Variants in GRAMD2B observed in about 807,000 individuals in gnomAD.
GRAMD2B encodes the protein GRAM domain-containing protein 2B.
A neutral mutation model predicts 59.2 loss-of-function variants in GRAMD2B; 41 were observed. The observed-to-expected ratio is 0.69, with a 90% CI of 0.54 to 0.90. GRAMD2B has a LOEUF of 0.90. Among genes scored for constraint, GRAMD2B ranks in the 40% least tolerant of loss-of-function variants. The pLI is 0.00. For synonymous variants in GRAMD2B, 161 were observed against 182.7 expected (o/e 0.88, Z 0.96); for missense variants, 424 against 500.5 (o/e 0.85, Z 1.46).
intron 1 of GRAMD2B, among the ~76,000 whole-genome samples, chr5:126,431,557 C>A (rs1415422680): frequency 2.6e-5 from 4 of 152,132 alleles, no homozygotes; most frequent in African/African-American, 9.7e-5. Context: ...CCTAGACAGA[C>A]CCCCTAATTA....
intron 1 of GRAMD2B, among the ~76,000 whole-genome samples, chr5:126,428,845 C>T (rs1421878265): frequency 6.6e-6 from 1 of 152,192 alleles, no homozygotes; most frequent in Non-Finnish European, 1.5e-5. Flanking sequence ...AATTCCATCT[C>T]ACACCAGTCA....
chr5:126,472,707 G>A (rs1769850169), intron 4 of GRAMD2B, among the ~76,000 whole-genome samples: 2 of 152,194 alleles, frequency 1.3e-5, no homozygotes, highest in Non-Finnish European at 2.9e-5. Context: ...TGAAGGGTAA[G>A]ATAGTCACCT....
At chr5:126,477,647 T>C (rs1315550978) in intron 5 of GRAMD2B, 45 bp from the exon 6 acceptor site, 1 of 1,017,822 alleles carries the variant, frequency 9.8e-7, no homozygotes, top group Admixed American at 1.7e-5. Flanking sequence ...TGAAGTGCTG[T>C]TCTGTCAAGT....
At chr5:126,398,788 T>A (rs1261061881) in intron 1 of GRAMD2B, among the ~76,000 whole-genome samples, 1 of 152,184 alleles carries the variant, frequency 6.6e-6, no homozygotes, top group Non-Finnish European at 1.5e-5. Context: ...TAGGTTTTGG[T>A]ATGTTGTGTT....
At chr5:126,382,329 T>C (rs1405980214) in intron 1 of GRAMD2B, among the ~76,000 whole-genome samples, 1 of 152,216 alleles carries the variant, frequency 6.6e-6, no homozygotes, top group Non-Finnish European at 1.5e-5. Context: ...ACACAGATTA[T>C]TGTTAGGTTT....
intron 6 of GRAMD2B, 85 bp from the exon 7 acceptor site, chr5:126,480,371 C>A: frequency 1.1e-6 from 1 of 902,004 alleles, no homozygotes; most frequent in South Asian, 1.5e-5. Context: ...AATGCAAAAG[C>A]TGTATACAGA....
intron 1 of GRAMD2B, among the ~76,000 whole-genome samples, chr5:126,398,387 T>C (rs574180984): frequency 6.6e-6 from 1 of 152,246 alleles, no homozygotes; most frequent in East Asian, 1.9e-4. Context: ...GAATTTCTTC[T>C]AATTTACCCA....
At chr5:126,459,158 T>C (rs1766890251) in intron 1 of GRAMD2B, 1 of 152,244 alleles carries the variant, frequency 6.6e-6, no homozygotes, top group South Asian at 2.1e-4. Flanking sequence ...ACGGTTTTGC[T>C]GAAATTAGAG....
In GRAMD2B at chr5:126,473,285, A is replaced by C. The variant is rs199763570; in HGVS notation, c.403A>C (p.Lys135Gln). ...CCCAGGCTTTACCTGTGCTCTACAGAAAGAAATACTATACCAAGGAAAGCT... is the reference window on the plus strand; with the variant it reads ...CCCAGGCTTTACCTGTGCTCTACAGCAAGAAATACTATACCAAGGAAAGCT... Reference protein sequence around the residue: ...LKQSFTCALQKEILYQGKLFV... With the variant: ...LKQSFTCALQQEILYQGKLFV... Residue 135 changes from lysine to glutamine, a missense_variant, in exon 5 of 14, where the codon AAA (lysine) becomes CAA (glutamine). Physicochemically the swap from Lys to Gln is moderately conservative, Grantham distance 53. Coordinates refer to ENST00000285689, the MANE Select transcript of GRAMD2B (RefSeq NM_023927.4). 6.8e-7 allele frequency: 1 copy of C among 1,474,840 alleles called. No individual in the cohort carries two copies. The highest frequency in any genetic ancestry group is 1.4e-5 in the African/African-American group (1 of 69,812). 91.4% of individuals were successfully genotyped at this position (1,474,840 alleles called of 1,614,324 possible).
intron 1 of GRAMD2B, among the ~76,000 whole-genome samples, chr5:126,440,766 A>G (rs575563645): frequency 6.6e-6 from 1 of 152,284 alleles, no homozygotes; most frequent in African/African-American, 2.4e-5. Context: ...GTGTGACATA[A>G]TAAAATAAGG....
At chr5:126,485,307 C>T (rs1453248691) in intron 10 of GRAMD2B, among the ~76,000 whole-genome samples, 2 of 151,968 alleles carry the variant, frequency 1.3e-5, no homozygotes, top group Non-Finnish European at 2.9e-5. Flanking sequence ...GCTGTGATCA[C>T]GCCACTGTCA....
intron 2 of GRAMD2B, 51 bp downstream of exon 2, chr5:126,465,596 G>A: frequency 6.4e-7 from 1 of 1,554,996 alleles, no homozygotes; most frequent in South Asian, 1.1e-5. Context: ...TGGGGAGAAG[G>A]CGTTACAGGA....
intron 1 of GRAMD2B, among the ~76,000 whole-genome samples, chr5:126,456,276 T>A (rs977734260): frequency 1.3e-5 from 2 of 152,124 alleles, no homozygotes; most frequent in African/African-American, 4.8e-5. Context: ...AGTGGCACAA[T>A]CACGGCTCAC....
At chr5:126,461,363 A>G (rs1767328355) in intron 1 of GRAMD2B, among the ~76,000 whole-genome samples, 1 of 152,256 alleles carries the variant, frequency 6.6e-6, no homozygotes, top group African/African-American at 2.4e-5. Flanking sequence ...AATTTAAGTC[A>G]TCATCAAACT....
upstream of GRAMD2B, among the ~76,000 whole-genome samples, chr5:126,368,780 A>G (rs142390482): frequency 8.5e-5 from 13 of 152,356 alleles, no homozygotes; most frequent in African/African-American, 3.1e-4. Flanking sequence ...TTAACTCAAC[A>G]TCTTACATAA....
intron 1 of GRAMD2B, among the ~76,000 whole-genome samples, chr5:126,428,354 A>G (rs1760965663): frequency 6.6e-6 from 1 of 152,154 alleles, no homozygotes. Context: ...AATGGTATAC[A>G]TATTATATTT....
rs578004526 is a variant in GRAMD2B at position 126,410,431 on chromosome 5, A to G, written c.125+38864A>G. Among the ~76,000 whole-genome samples, 10 of 151,504 alleles carry G rather than the reference A, an allele frequency of 6.6e-5. No homozygotes were observed. The East Asian group carries it at 1.9e-3, about 30-fold the overall frequency. ...TCCCTTGTAAGTTGGATTCCTAGGT[A>G]TTTTATTCTCTTTGAAGCAATTGTG... On this transcript the variant is annotated intron_variant, in intron 1 of 8. Transcript: ENST00000506445.
At chr5:126,366,841 C>T (rs1326272389), upstream of GRAMD2B, among the ~76,000 whole-genome samples, 1 of 139,852 alleles carries the variant, frequency 7.2e-6, no homozygotes, top group East Asian at 2.2e-4. Context: ...TTTACCAGAC[C>T]AAGGCTTTTT....
chr5:126,412,068 G>A (rs1407546889), intron 1 of GRAMD2B, among the ~76,000 whole-genome samples: 1 of 152,012 alleles, frequency 6.6e-6, no homozygotes, highest in African/African-American at 2.4e-5. Flanking sequence ...GAGATAAGTT[G>A]ACTTCATCTT....
Sources: allele counts gnomAD v4.1 joint callset (sites outside exome capture counted in the v4.1 genomes callset), GRCh38; gene constraint gnomAD v4.1.1; transcripts MANE v1.5; gene names NCBI Gene and HGNC (gene_info 2026-07-23, HGNC 2026-07-21).